The following PRDM16 variants were observed in gnomAD, a reference collection of about 807,000 sequenced individuals.
PRDM16 encodes histone-lysine N-methyltransferase PRDM16.
PRDM16 carries 23 observed loss-of-function variants against 110.6 expected under a neutral mutation model. That is an observed-to-expected ratio of 0.21 (90% CI 0.15 to 0.29). The LOEUF (loss-of-function observed/expected upper bound fraction) is 0.29, where lower values mean the gene tolerates loss of function less well. PRDM16 is among the 10% of genes least tolerant of loss of function. PRDM16 has a pLI of 1.00. For missense variants in PRDM16, 1,615 were observed against 1,794.3 expected, an observed-to-expected ratio of 0.90 and a Z score of 1.81; for synonymous variants, 799 against 781.8, an observed-to-expected ratio of 1.02 and a Z score of -0.37.
At chr1:3,254,000 A>G (rs1487105190) in intron 3 of PRDM16, among the ~76,000 whole-genome samples, 3 of 152,120 alleles carry the variant, frequency 2.0e-5, no homozygotes, top group African/African-American at 7.2e-5. Context: ...GGCTGCATAA[A>G]TGTCTTCTTT....
chr1:3,325,714 G>A (rs114515947), intron 3 of PRDM16, among the ~76,000 whole-genome samples: 1 of 152,190 alleles, frequency 6.6e-6, no homozygotes, highest in South Asian at 2.1e-4. Context: ...GCCTCTCCAG[G>A]TCTGGTGTTG....
rs1485653821 is a variant in PRDM16 at position 3,290,636 on chromosome 1, G to T, written c.438+46499G>T. 6.6e-6 allele frequency among the ~76,000 whole-genome samples: 1 copy of T among 152,178 alleles called. No homozygotes were observed. The highest frequency in any genetic ancestry group is 1.5e-5 in the Non-Finnish European group (1 of 68,032). On this transcript the variant is annotated intron_variant, in intron 3 of 16. Coordinates refer to ENST00000270722, the MANE Select transcript of PRDM16 (RefSeq NM_022114.4). The surrounding 1 kb of genome is among the most constrained non-coding windows in gnomAD (Gnocchi z 4.8). ...GATCCCTCCCAGGACGCAGTGGTGGGCCCAGGCCGGCCAGCGCTGGCTGAA... is the reference window on the plus strand; with the variant it reads ...GATCCCTCCCAGGACGCAGTGGTGGTCCCAGGCCGGCCAGCGCTGGCTGAA...
At position 3,430,939 on chromosome 1, in the gene PRDM16, GTGGAGGAGGAGGACGACGATGACC is replaced by G. The variant is rs1638747956; in HGVS notation, c.3363_3386del (p.Glu1121_Glu1128del). 1 of 1,614,078 alleles carries G rather than the reference GTGGAGGAGGAGGACGACGATGACC, an allele frequency of 6.2e-7. No homozygotes were observed. The highest frequency in any genetic ancestry group is 8.5e-7 in the Non-Finnish European group (1 of 1,179,970). On this transcript the variant is annotated inframe_deletion, in exon 15 of 17. Transcript: ENST00000270722. The stretch of plus-strand genomic sequence containing the variant: ...CCTAGCCAGTGAGAAGCAGGAGGAC[GTGGAGGAGGAGGACGACGATGACC>G]TGGAGGAGGACGATGAGGACAGCCT...
intron 1 of PRDM16, among the ~76,000 whole-genome samples, chr1:3,135,185 T>C (rs12725529): frequency 0.13 from 19,900 of 152,164 alleles, 1,762 homozygotes; most frequent in East Asian, 0.24. Flanking sequence ...TCCCCACCAG[T>C]GAACCCGAGT....
chr1:3,181,467 TAC>T lies in PRDM16; in HGVS notation c.38-4653_38-4652del, dbSNP rs1322102214. Among the ~76,000 whole-genome samples the T allele has an allele frequency of 1.2e-3, 71 of 61,730 alleles. 6 individuals are homozygous for T. The highest frequency in any genetic ancestry group is 3.1e-3 in the African/African-American group (66 of 21,378). The allele number at this position is 61,730 out of a possible 152,430, so 40.5% of individuals were successfully genotyped here. ...TCTTACACGGTCTTACACACGGTCT[TAC>T]ACACGCAGTCTTACACACAGCCTTA... On this transcript the variant is annotated intron_variant, in intron 1 of 16. Coordinates refer to ENST00000270722, the MANE Select transcript of PRDM16 (RefSeq NM_022114.4).
intron 1 of PRDM16, among the ~76,000 whole-genome samples, chr1:3,141,400 G>A (rs976820325): frequency 6.6e-5 from 10 of 152,214 alleles, no homozygotes; most frequent in Admixed American, 3.3e-4. Context: ...CGGCTTGAGC[G>A]CTGTCTGCAG....
intron 2 of PRDM16, among the ~76,000 whole-genome samples, chr1:3,222,384 C>T (rs1172791189): frequency 6.6e-6 from 1 of 152,234 alleles, no homozygotes; most frequent in Non-Finnish European, 1.5e-5. Flanking sequence ...GCTGGGACTT[C>T]CTCTTTTTTG....
In PRDM16 at chr1:3,290,349, G is replaced by A. The variant is rs957235945; in HGVS notation, c.438+46212G>A. 6.6e-6 allele frequency among the ~76,000 whole-genome samples: 1 copy of A among 152,190 alleles called. No individual in the cohort carries two copies. Among genetic ancestry groups the A allele is most frequent in the African/African-American group, 2.4e-5 (1 of 41,438 alleles). ...TCCATGCTCAAAATGGCTGGAAGAG[G>A]AGAGCCTCTCAGTATCCCCACCTTA... On this transcript the variant is annotated intron_variant, in intron 3 of 16. Coordinates refer to ENST00000270722, the MANE Select transcript of PRDM16 (RefSeq NM_022114.4). The surrounding 1 kb of genome is among the most constrained non-coding windows in gnomAD (Gnocchi z 4.8).
intron 3 of PRDM16, among the ~76,000 whole-genome samples, chr1:3,247,948 G>T (rs1468693666): frequency 5.3e-5 from 8 of 152,206 alleles, no homozygotes; most frequent in Non-Finnish European, 1.0e-4. Flanking sequence ...AAACATCTGC[G>T]GGAGATAATC....
intron 1 of PRDM16, among the ~76,000 whole-genome samples, chr1:3,095,269 G>A (rs1642370233): frequency 6.6e-6 from 1 of 152,188 alleles, no homozygotes; most frequent in African/African-American, 2.4e-5. Flanking sequence ...GGTTGAGGTG[G>A]CCCAGGGCTG....
At chr1:3,275,574 C>T (rs545785127) in intron 3 of PRDM16, among the ~76,000 whole-genome samples, 8 of 152,314 alleles carry the variant, frequency 5.3e-5, no homozygotes, top group African/African-American at 1.9e-4. Flanking sequence ...CTGGTGCAGG[C>T]AGCACTCCTC....
chr1:3,089,210 C>G (rs1296255119), intron 1 of PRDM16, among the ~76,000 whole-genome samples: 1 of 152,254 alleles, frequency 6.6e-6, no homozygotes, highest in Non-Finnish European at 1.5e-5. Context: ...GGTGTCTGCA[C>G]CAGCCCTGGC....
chr1:3,229,216 T>G (rs559701719), intron 2 of PRDM16, among the ~76,000 whole-genome samples: 3 of 152,140 alleles, frequency 2.0e-5, no homozygotes, highest in Admixed American at 6.5e-5. Flanking sequence ...CTGGTGGATA[T>G]TCCCCCAGGG....
intron 8 of PRDM16, 128 bp from the exon 9 acceptor site, chr1:3,411,252 CCAGA>C (rs1260832634): frequency 5.8e-6 from 5 of 866,734 alleles, no homozygotes; most frequent in Non-Finnish European, 9.0e-6. Context: ...GCACATGCAC[CCAGA>C]CAGACTGCTT....
intron 2 of PRDM16, among the ~76,000 whole-genome samples, chr1:3,215,132 T>C (rs982473840): frequency 1.3e-5 from 2 of 152,328 alleles, no homozygotes; most frequent in African/African-American, 4.8e-5. Context: ...GATGTCAGTG[T>C]TGGGCTCCTG....
At chr1:3,124,094 C>T (rs1201929246) in intron 1 of PRDM16, among the ~76,000 whole-genome samples, 1 of 152,184 alleles carries the variant, frequency 6.6e-6, no homozygotes, top group Non-Finnish European at 1.5e-5. Context: ...TGAGAACCCC[C>T]AAGAACTGCT....
At chr1:3,160,277 G>A (rs1194176423) in intron 1 of PRDM16, among the ~76,000 whole-genome samples, 2 of 152,214 alleles carry the variant, frequency 1.3e-5, no homozygotes, top group African/African-American at 4.8e-5. Context: ...AGGATGTGCC[G>A]TTGGCTGGTG....
Position 3,426,240 on chromosome 1 carries a change from G to A in PRDM16, c.3284+15G>A, listed in dbSNP as rs870171. On this transcript the variant is annotated intron_variant, in intron 14 of 16. Coordinates refer to ENST00000270722, the MANE Select transcript of PRDM16 (RefSeq NM_022114.4). ...ACAGAGAAACGGTAAGAAAACTATC[G>A]CGGGCTGGGGAAAGTCTGGACCCGG... The A allele has an allele frequency of 1.5e-5, 24 of 1,608,824 alleles. No individual in the cohort carries two copies. The highest frequency in any genetic ancestry group is 2.2e-5 in the East Asian group (1 of 44,742).
At chr1:3,251,773 C>T (rs1379302088) in intron 3 of PRDM16, among the ~76,000 whole-genome samples, 1 of 152,154 alleles carries the variant, frequency 6.6e-6, no homozygotes, top group Admixed American at 6.5e-5. Flanking sequence ...CAGATGGTGG[C>T]GTCAATAAAC....
Sources: gnomAD v4.1 joint callset for allele counts (sites outside exome capture counted in the v4.1 genomes callset) on GRCh38, gnomAD v4.1.1 for gene constraint, Gnocchi (gnomAD v3.1) non-coding constraint, MANE v1.5 for transcripts, NCBI Gene and HGNC (gene_info 2026-07-23, HGNC 2026-07-21) for gene names.